Variants in GABRG2 observed in about 807,000 individuals in gnomAD.
The protein encoded by GABRG2 is gamma-aminobutyric acid receptor subunit gamma-2.
A neutral mutation model predicts 56.4 loss-of-function variants in GABRG2; 16 were observed. The ratio of observed to expected loss-of-function variants is 0.28; its 90% CI spans 0.19 to 0.43. The LOEUF is 0.43. Among genes scored for constraint, GABRG2 ranks in the 20% least tolerant of loss-of-function variants. The pLI is 1.00. For synonymous variants in GABRG2, 208 were observed against 205.5 expected, an observed-to-expected ratio of 1.01 and a Z score of -0.10; for missense variants, 327 against 582.7, an observed-to-expected ratio of 0.56 and a Z score of 4.52.
intron 1 of GABRG2, among the ~76,000 whole-genome samples, chr5:162,081,209 C>A (rs543107707): frequency 1.6e-4 from 24 of 151,960 alleles, no homozygotes; most frequent in South Asian, 4.2e-4. Flanking sequence ...TTATTTCTCC[C>A]AAAAAATTTT....
chr5:162,115,333 C>G (rs1342919594), intron 6 of GABRG2, among the ~76,000 whole-genome samples: 4 of 152,152 alleles, frequency 2.6e-5, no homozygotes, highest in Non-Finnish European at 4.4e-5. Flanking sequence ...TGTTACGAAG[C>G]AAACATATGG....
intron 1 of GABRG2, among the ~76,000 whole-genome samples, chr5:162,075,267 C>T (rs1759002347): frequency 1.3e-5 from 2 of 152,106 alleles, no homozygotes; most frequent in African/African-American, 4.8e-5. Flanking sequence ...TTTTGTATAA[C>T]ATTGTGTTCC....
At chr5:162,120,454 C>T (rs910061861) in intron 6 of GABRG2, among the ~76,000 whole-genome samples, 1 of 152,066 alleles carries the variant, frequency 6.6e-6, no homozygotes, top group African/African-American at 2.4e-5. Flanking sequence ...GAGGTTATGC[C>T]TACTTGAATT....
In GABRG2 at chr5:162,079,689, C is replaced by T. The variant is rs1759491200; in HGVS notation, c.107+11583C>T. Among the ~76,000 whole-genome samples, 3 of 151,892 alleles carry T rather than the reference C, an allele frequency of 2.0e-5. No homozygotes were observed. In the South Asian group the frequency reaches 6.2e-4, roughly 31 times the overall value. ...AATTTACTTGTAGACAATGTCATACCTATGTATTTATTTACTTCCCTTATT... is the reference window on the plus strand; with the variant it reads ...AATTTACTTGTAGACAATGTCATACTTATGTATTTATTTACTTCCCTTATT... On this transcript the variant is annotated intron_variant, in intron 1 of 9. Transcript: ENST00000639213.
intron 6 of GABRG2, among the ~76,000 whole-genome samples, chr5:162,138,966 A>T (rs928459743): frequency 6.6e-6 from 1 of 152,104 alleles, no homozygotes; most frequent in African/African-American, 2.4e-5. Context: ...GCTCCACTAA[A>T]TATTAAATTT....
Position 162,068,027 on chromosome 5 carries a change from G to A in GABRG2, c.28G>A (p.Gly10Arg), listed in dbSNP as rs1262705178. Residue 10 changes from glycine to arginine, a missense_variant, in exon 1 of 10, where the codon GGA (glycine) becomes AGA (arginine). Gly to Arg is a moderately radical substitution (Grantham distance 125). This residue lies in a region of GABRG2 where 73 missense variants were observed against 72.2 expected (regional missense o/e 1.01). Coordinates refer to ENST00000639213, the MANE Select transcript of GABRG2 (RefSeq NM_198904.4). MSSPNIWSTGSSVYSTPVFS... is the reference protein window; with the variant it reads MSSPNIWSTRSSVYSTPVFS... Reference sequence around the variant, plus strand: ...GAGTTCGCCAAATATATGGAGCACAGGAAGCTCAGTCTACTCGACTCCTGT... The same window carrying A: ...GAGTTCGCCAAATATATGGAGCACAAGAAGCTCAGTCTACTCGACTCCTGT... 2 of 1,612,864 alleles carry A rather than the reference G, an allele frequency of 1.2e-6. No homozygotes were observed. Among genetic ancestry groups the A allele is most frequent in the South Asian group, 1.1e-5 (1 of 90,916 alleles).
Position 162,149,311 on chromosome 5 carries a change from C to A in GABRG2, c.1126C>A (p.Pro376Thr). The A allele has an allele frequency of 6.2e-7, 1 of 1,613,828 alleles. No homozygotes were observed. The highest frequency in any genetic ancestry group is 1.1e-5 in the South Asian group (1 of 91,056). ...SKDKDKKKKN[P>T]LLRMFSFKAP... The stretch of plus-strand genomic sequence containing the variant: ...GGACAAAGATAAAAAGAAGAAAAAC[C>A]CTGTATGTATCATTTTCCATTGGCA... Residue 376 changes from proline (P) to threonine (T), a missense_variant and splice_region_variant, in exon 8 of 10, where the codon CCT becomes ACT. Coordinates refer to ENST00000639213, the MANE Select transcript of GABRG2 (RefSeq NM_198904.4).
intron 9 of GABRG2, chr5:162,152,214 T>C (rs1765423542): frequency 5.5e-6 from 1 of 180,628 alleles, no homozygotes; most frequent in Non-Finnish European, 1.2e-5. Context: ...CAATATTCTT[T>C]TTGAAAGGCT....
Position 162,116,293 on chromosome 5 carries a change from A to C in GABRG2, c.769+12267A>C, listed in dbSNP as rs1762622374. On this transcript the variant is annotated intron_variant, in intron 6 of 9. Coordinates refer to ENST00000639213, the MANE Select transcript of GABRG2 (RefSeq NM_198904.4). Reference sequence around the variant, plus strand: ...ATTTATCTTAAGCTGATTGCATATAAGTATGGTAGAGTCAGTCTGTATTGG... The same window carrying C: ...ATTTATCTTAAGCTGATTGCATATACGTATGGTAGAGTCAGTCTGTATTGG... Among the ~76,000 whole-genome samples the C allele has an allele frequency of 2.7e-5, 4 of 150,408 alleles. No homozygotes were observed. In the South Asian group the frequency reaches 8.3e-4, roughly 31 times the overall value.
chr5:162,111,934 G>T (rs1762280315), intron 6 of GABRG2, among the ~76,000 whole-genome samples: 1 of 152,096 alleles, frequency 6.6e-6, no homozygotes, highest in Non-Finnish European at 1.5e-5. Flanking sequence ...ATTATCTTTA[G>T]ATACAGCAAA....
At chr5:162,125,207 T>A (rs563011523) in intron 6 of GABRG2, among the ~76,000 whole-genome samples, 1 of 151,990 alleles carries the variant, frequency 6.6e-6, no homozygotes, top group African/African-American at 2.4e-5. Flanking sequence ...CCTATTTTTT[T>A]CTCTTAATTT....
At position 162,097,717 on chromosome 5, in the gene GABRG2, G is replaced by A. The variant is rs778814579; in HGVS notation, c.407G>A (p.Arg136Gln). ...TTTAACAGCACCATTAAAGTCCTCC[G>A]ATTGAACAGCAACATGGTGGGGAAA... ...LKFNSTIKVL[R>Q]LNSNMVGKIW... The change falls in exon 4 of 10, where the codon CGA (arginine) becomes CAA (glutamine). Residue 136 changes from arginine to glutamine, a missense_variant. This residue lies in a region of GABRG2 where 104 missense variants were observed against 209.3 expected (regional missense o/e 0.50). Coordinates refer to ENST00000639213, the MANE Select transcript of GABRG2 (RefSeq NM_198904.4). The A allele has an allele frequency of 5.6e-6, 9 of 1,613,664 alleles. No homozygotes were observed. Among genetic ancestry groups the A allele is most frequent in the Non-Finnish European group, 5.9e-6 (7 of 1,179,860 alleles).
chr5:162,144,977 A>C (rs972873243), intron 7 of GABRG2, among the ~76,000 whole-genome samples: 9 of 152,202 alleles, frequency 5.9e-5, no homozygotes, highest in Non-Finnish European at 1.2e-4. Flanking sequence ...ACAAACAAAA[A>C]ATCCACAGGT....
intron 1 of GABRG2, among the ~76,000 whole-genome samples, chr5:162,073,639 T>G (rs1184513055): frequency 6.6e-6 from 1 of 151,962 alleles, no homozygotes; most frequent in Non-Finnish European, 1.5e-5. Context: ...TGACATATTT[T>G]TAATCACCCC....
At chr5:162,117,413 A>G (rs557557665) in intron 6 of GABRG2, among the ~76,000 whole-genome samples, 40 of 152,202 alleles carry the variant, frequency 2.6e-4, no homozygotes, top group African/African-American at 8.9e-4. Context: ...TAAAGGTCAC[A>G]TTGTCTTGAT....
At chr5:162,130,208 G>A (rs767723621) in intron 6 of GABRG2, among the ~76,000 whole-genome samples, 1 of 151,840 alleles carries the variant, frequency 6.6e-6, no homozygotes. Flanking sequence ...TTCCATGGGG[G>A]CAGGGGTGTG....
intron 3 of GABRG2, among the ~76,000 whole-genome samples, chr5:162,096,743 C>CTTTT (rs538922071): frequency 7.0e-6 from 1 of 143,664 alleles, no homozygotes; most frequent in Non-Finnish European, 1.5e-5. Context: ...ACCATATCTG[C>CTTTT]TTTTTTTTTT....
intron 3 of GABRG2, among the ~76,000 whole-genome samples, chr5:162,096,719 G>T (rs1761024754): frequency 6.6e-6 from 1 of 151,616 alleles, no homozygotes; most frequent in South Asian, 2.1e-4. Context: ...CAGGCCTAAT[G>T]GTCTGAATTT....
At chr5:162,126,539 C>T (rs1019486043) in intron 6 of GABRG2, among the ~76,000 whole-genome samples, 1 of 151,944 alleles carries the variant, frequency 6.6e-6, no homozygotes, top group Non-Finnish European at 1.5e-5. Context: ...TGAGGTTTCC[C>T]TCTGCACACC....
Sources: allele counts gnomAD v4.1 joint callset (sites outside exome capture counted in the v4.1 genomes callset), GRCh38; gene constraint gnomAD v4.1.1; regional missense constraint gnomAD v4.1.1; transcripts MANE v1.5; gene names NCBI Gene and HGNC (gene_info 2026-07-23, HGNC 2026-07-21).